The following GPC6 variants were observed in gnomAD, a reference collection of about 807,000 sequenced individuals.
GPC6 encodes glypican-6.
Under a neutral mutation model 55.2 loss-of-function variants are expected in GPC6, and 14 were observed. That is an observed-to-expected ratio of 0.25 (90% CI 0.17 to 0.40). The LOEUF (loss-of-function observed/expected upper bound fraction) is 0.40, where lower values mean the gene tolerates loss of function less well. Ranked by LOEUF, GPC6 falls within the 10% of genes least tolerant of loss-of-function variation. The pLI, the probability that GPC6 is intolerant of heterozygous loss-of-function variation, is 1.00. For missense variants in GPC6, 641 were observed against 708.5 expected (o/e 0.90, Z 1.08); for synonymous variants, 278 against 259.6 (o/e 1.07, Z -0.68).
At chr13:93,229,330 C>T (rs1164315343) in intron 1 of GPC6, among the ~76,000 whole-genome samples, 1 of 151,782 alleles carries the variant, frequency 6.6e-6, no homozygotes, top group Non-Finnish European at 1.5e-5. Context: ...ACTTTTTCTC[C>T]TTTAATCTGG....
chr13:93,866,032 GC>G (rs1888955463), intron 3 of GPC6, among the ~76,000 whole-genome samples: 1 of 151,710 alleles, frequency 6.6e-6, no homozygotes, highest in Non-Finnish European at 1.5e-5. Flanking sequence ...ATGAGCAGAG[GC>G]GGAGTCCTTG....
intron 1 of GPC6, among the ~76,000 whole-genome samples, chr13:93,305,151 A>C (rs533385728): frequency 1.3e-5 from 2 of 152,286 alleles, no homozygotes; most frequent in African/African-American, 2.4e-5. Flanking sequence ...CGTTTAAAAC[A>C]AGCAACCAAC....
At chr13:93,768,027 C>G (rs376322329) in intron 2 of GPC6, among the ~76,000 whole-genome samples, 29 of 151,760 alleles carry the variant, frequency 1.9e-4, no homozygotes, top group African/African-American at 6.5e-4. Flanking sequence ...TTAAAAATAT[C>G]TGAAGGATAA....
At chr13:93,961,463 G>T (rs1455462846) in intron 3 of GPC6, among the ~76,000 whole-genome samples, 1 of 152,266 alleles carries the variant, frequency 6.6e-6, no homozygotes, top group East Asian at 1.9e-4. Flanking sequence ...TTATATTCAA[G>T]TTAAAAGTAG....
At chr13:93,384,173 C>T (rs137894474) in intron 1 of GPC6, among the ~76,000 whole-genome samples, 1 of 151,972 alleles carries the variant, frequency 6.6e-6, no homozygotes, top group East Asian at 1.9e-4. Context: ...TCTGGATTTA[C>T]TTCTATTATT....
At chr13:94,123,480 C>A (rs1430715318) in intron 4 of GPC6, among the ~76,000 whole-genome samples, 1 of 151,864 alleles carries the variant, frequency 6.6e-6, no homozygotes, top group African/African-American at 2.4e-5. Flanking sequence ...ATTCATATAC[C>A]TTGTTCTTTA....
In GPC6 at chr13:94,308,256, T is replaced by C. The variant is rs1045095559; in HGVS notation, c.1152+2133T>C. 9.8e-5 allele frequency among the ~76,000 whole-genome samples: 15 copies of C among 152,322 alleles called. No homozygotes were observed. In the South Asian group the frequency reaches 2.1e-3, roughly 21 times the overall value. ...AAGAAAAATATGTTTCTAAAGACAA[T>C]GTTTTTGCAGCTTAGCATAAACTAA... On this transcript the variant is annotated intron_variant, in intron 6 of 8. Transcript: ENST00000377047.
chr13:94,217,220 G>C (rs1034762543), intron 4 of GPC6, among the ~76,000 whole-genome samples: 2 of 152,156 alleles, frequency 1.3e-5, no homozygotes, highest in African/African-American at 4.8e-5. Flanking sequence ...AGTAAGTACA[G>C]AATTCAAATT....
intron 3 of GPC6, among the ~76,000 whole-genome samples, chr13:94,001,943 G>T (rs1305923880): frequency 1.3e-5 from 2 of 152,088 alleles, no homozygotes; most frequent in Non-Finnish European, 2.9e-5. Context: ...TGCTGGAGAA[G>T]ATTAAGGGGG....
At chr13:93,348,150 A>G (rs1406794485) in intron 1 of GPC6, among the ~76,000 whole-genome samples, 1 of 152,350 alleles carries the variant, frequency 6.6e-6, no homozygotes, top group East Asian at 1.9e-4. Context: ...TTTGGGCCCA[A>G]GAAGGTGAAC....
At chr13:94,069,691 G>A (rs1186334480) in intron 4 of GPC6, among the ~76,000 whole-genome samples, 1 of 152,180 alleles carries the variant, frequency 6.6e-6, no homozygotes, top group Non-Finnish European at 1.5e-5. Flanking sequence ...AAGTTCCACA[G>A]ATCTATAGGG....
intron 3 of GPC6, among the ~76,000 whole-genome samples, chr13:93,988,393 A>G (rs1881129759): frequency 6.6e-6 from 1 of 152,076 alleles, no homozygotes; most frequent in East Asian, 1.9e-4. Context: ...TCTGCAGTGT[A>G]CCTTTCGGAT....
At chr13:93,610,736 A>G (rs1280009380) in intron 2 of GPC6, among the ~76,000 whole-genome samples, 1 of 152,142 alleles carries the variant, frequency 6.6e-6, no homozygotes, top group Non-Finnish European at 1.5e-5. Context: ...AGCTTCATAA[A>G]ATAATACTTA....
At chr13:93,592,550 C>G (rs1007413121) in intron 2 of GPC6, among the ~76,000 whole-genome samples, 4 of 150,916 alleles carry the variant, frequency 2.7e-5, no homozygotes, top group Non-Finnish European at 5.9e-5. Context: ...ACCCGGCCCT[C>G]TCCAAGTTTT....
chr13:93,409,533 TG>T (rs1390683380), intron 1 of GPC6, among the ~76,000 whole-genome samples: 1 of 152,188 alleles, frequency 6.6e-6, no homozygotes, highest in Admixed American at 6.6e-5. Flanking sequence ...AAGTGTGTAC[TG>T]CTTCTCTTTC....
intron 4 of GPC6, among the ~76,000 whole-genome samples, chr13:94,133,001 G>A (rs1887054044): frequency 6.6e-6 from 1 of 151,890 alleles, no homozygotes; most frequent in Non-Finnish European, 1.5e-5. Context: ...TTCCTGTATG[G>A]CCATTGTAAA....
At chr13:93,688,198 G>A (rs1882119911) in intron 2 of GPC6, among the ~76,000 whole-genome samples, 1 of 152,090 alleles carries the variant, frequency 6.6e-6, no homozygotes, top group Admixed American at 6.6e-5. Context: ...AAGATAGAGT[G>A]TGGGGTGGCA....
Position 94,023,618 on chromosome 13 carries a change from C to A in GPC6, c.712-4111C>A, listed in dbSNP as rs574287795. 2.0e-5 allele frequency among the ~76,000 whole-genome samples: 3 copies of A among 152,042 alleles called. No individual in the cohort carries two copies. The East Asian group carries it at 5.8e-4, about 29-fold the overall frequency. On this transcript the variant is annotated intron_variant, in intron 3 of 8. Transcript: ENST00000377047. ...CCACCATGTGATCCAGCAATTGCAC[C>A]CTTGGGCATTTCTTTCAGAGAAATG...
chr13:93,335,220 C>T (rs1328898582), intron 1 of GPC6, among the ~76,000 whole-genome samples: 1 of 152,148 alleles, frequency 6.6e-6, no homozygotes, highest in Non-Finnish European at 1.5e-5. Flanking sequence ...CGTAAAAATA[C>T]CTGTTACGTT....
Sources: gnomAD v4.1 joint callset for allele counts (sites outside exome capture counted in the v4.1 genomes callset) on GRCh38, gnomAD v4.1.1 for gene constraint, MANE v1.5 for transcripts, NCBI Gene and HGNC (gene_info 2026-07-23, HGNC 2026-07-21) for gene names.